Variants in MED13L observed in about 807,000 individuals in gnomAD.
MED13L encodes mediator of RNA polymerase II transcription subunit 13-like.
A neutral mutation model predicts 220.9 loss-of-function variants in MED13L; 7 were observed. That is an observed-to-expected ratio of 0.03 (90% CI 0.02 to 0.06). The LOEUF (loss-of-function observed/expected upper bound fraction) is 0.06. Ranked by LOEUF, MED13L falls within the 10% of genes least tolerant of loss-of-function variation. The probability of loss-of-function intolerance (pLI) is 1.00; values close to 1 mark genes in which losing one functional copy is unlikely to be tolerated. For synonymous variants in MED13L, 1,011 were observed against 1,015.2 expected, an observed-to-expected ratio of 1.00 and a Z score of 0.08; for missense variants, 1,965 against 2,760.5, an observed-to-expected ratio of 0.71 and a Z score of 6.46.
Position 116,019,291 on chromosome 12 carries a change from A to G in MED13L, c.942T>C (p.Ser314=), listed in dbSNP as rs762959649. 1.2e-6 allele frequency: 2 copies of G among 1,613,964 alleles called. No homozygotes were observed. Among genetic ancestry groups the G allele is most frequent in the Admixed American group, 3.3e-5 (2 of 59,964 alleles). ...HIAVGQQGLG[S]VKDPSNCGMP... is the part of the protein sequence containing the mutation. ...TCCCACAGTTACTTGGGTCCTTCAC[A>G]CTACCAAGCCCTTGCTGCCCAACTG... The change falls in exon 7 of 31, where the codon AGT becomes AGC. Residue 314 remains serine, a synonymous_variant. Coordinates refer to ENST00000281928, the MANE Select transcript of MED13L (RefSeq NM_015335.5).
In MED13L at chr12:116,015,204, G is replaced by A. The variant is rs1195276433; in HGVS notation, c.1080C>T (p.His360=). ...GAATCTTCCCCGATCTCTTTGGACT[G>A]TGCATCGTTATCATCCCTCCATCTT... ...VSQDGGMITM[H]SPKRSGKIPP... Residue 360 remains histidine, a synonymous_variant, in exon 8 of 31, where the codon CAC becomes CAT. Coordinates refer to ENST00000281928, the MANE Select transcript of MED13L (RefSeq NM_015335.5). 3 of 1,613,696 alleles carry A rather than the reference G, an allele frequency of 1.9e-6. No homozygotes were observed. Among genetic ancestry groups the A allele is most frequent in the African/African-American group, 1.3e-5 (1 of 74,858 alleles).
intron 2 of MED13L, among the ~76,000 whole-genome samples, chr12:116,160,260 A>G (rs755254488): frequency 1.6e-4 from 24 of 152,228 alleles, no homozygotes; most frequent in Non-Finnish European, 3.4e-4. Flanking sequence ...GTTTAAAAAT[A>G]GTAACTAATT....
intron 4 of MED13L, among the ~76,000 whole-genome samples, chr12:116,079,445 C>T (rs1593019075): frequency 1.3e-5 from 2 of 152,032 alleles, no homozygotes; most frequent in African/African-American, 2.4e-5. Flanking sequence ...AGGCTGGTCT[C>T]GAACTCCTAG....
At chr12:116,104,503 C>A (rs1169133204) in intron 3 of MED13L, among the ~76,000 whole-genome samples, 1 of 152,128 alleles carries the variant, frequency 6.6e-6, no homozygotes, top group African/African-American at 2.4e-5. Context: ...AACAGAGCAG[C>A]TCTGGGCCAA....
chr12:116,232,937 A>C (rs1246396553), intron 2 of MED13L, among the ~76,000 whole-genome samples: 4 of 152,070 alleles, frequency 2.6e-5, no homozygotes, highest in Non-Finnish European at 5.9e-5. Context: ...AAATACAAAA[A>C]TTGGCCAGGT....
chr12:116,190,510 T>G (rs563588695), intron 2 of MED13L, among the ~76,000 whole-genome samples: 6 of 152,344 alleles, frequency 3.9e-5, no homozygotes, highest in African/African-American at 1.2e-4. Context: ...CTCCTTATTA[T>G]GCAACATATG....
chr12:116,094,044 T>C (rs1408049194), intron 4 of MED13L, among the ~76,000 whole-genome samples: 1 of 152,156 alleles, frequency 6.6e-6, no homozygotes, highest in Non-Finnish European at 1.5e-5. Context: ...AGTGGAAGAA[T>C]AAGATGTGAA....
chr12:116,000,067 T>C (rs913387601), intron 14 of MED13L, among the ~76,000 whole-genome samples: 5 of 152,198 alleles, frequency 3.3e-5, no homozygotes, highest in Non-Finnish European at 7.3e-5. Context: ...GCTGCAAACA[T>C]CTAAACATTC....
intron 2 of MED13L, among the ~76,000 whole-genome samples, chr12:116,135,839 A>G (rs1876498731): frequency 6.6e-6 from 1 of 151,800 alleles, no homozygotes; most frequent in African/African-American, 2.4e-5. Context: ...TTATCCAGAA[A>G]CTATGTTCAG....
intron 29 of MED13L, among the ~76,000 whole-genome samples, chr12:115,964,921 A>G (rs1876034220): frequency 6.6e-6 from 1 of 152,170 alleles, no homozygotes; most frequent in South Asian, 2.1e-4. Flanking sequence ...AAGCTTTTTC[A>G]GCAGACAGAG....
intron 2 of MED13L, among the ~76,000 whole-genome samples, chr12:116,222,693 A>G (rs1283720686): frequency 6.6e-6 from 1 of 152,202 alleles, no homozygotes; most frequent in Non-Finnish European, 1.5e-5. Flanking sequence ...GTTTGCAAGC[A>G]TCGTTGGAGA....
intron 1 of MED13L, among the ~76,000 whole-genome samples, chr12:116,241,928 T>C (rs188704917): frequency 6.8e-4 from 104 of 152,044 alleles, no homozygotes; most frequent in Non-Finnish European, 1.1e-3. Flanking sequence ...GATACTGAAA[T>C]AGTTTGTCCA....
At chr12:116,096,977 G>C (rs1872685405) in intron 3 of MED13L, among the ~76,000 whole-genome samples, 1 of 152,128 alleles carries the variant, frequency 6.6e-6, no homozygotes, top group Admixed American at 6.5e-5. Flanking sequence ...GTAAACAAAA[G>C]TAAGCAAAAT....
intron 1 of MED13L, among the ~76,000 whole-genome samples, chr12:116,266,749 G>A (rs1401313335): frequency 1.3e-5 from 2 of 152,096 alleles, no homozygotes; most frequent in African/African-American, 4.8e-5. Flanking sequence ...TAGTATTTTA[G>A]AACACAGGAG....
intron 4 of MED13L, among the ~76,000 whole-genome samples, chr12:116,076,068 C>T (rs990726103): frequency 6.6e-6 from 1 of 151,944 alleles, no homozygotes; most frequent in East Asian, 1.9e-4. Flanking sequence ...CGCCCGCTAC[C>T]ACGCCCGGCT....
chr12:116,216,202 C>G (rs1019671085), intron 2 of MED13L, among the ~76,000 whole-genome samples: 6 of 152,196 alleles, frequency 3.9e-5, no homozygotes, highest in Middle Eastern at 3.4e-3. Context: ...TATTTAGAGA[C>G]GGGGTCTCAC....
chr12:116,006,124 G>T, intron 12 of MED13L, 131 bp from the exon 13 acceptor site: 1 of 1,393,068 alleles, frequency 7.2e-7, no homozygotes, highest in Non-Finnish European at 1.0e-6. Context: ...TAAATTTAGA[G>T]ACAATTATTT....
chr12:116,130,131 A>G (rs1312868065), intron 2 of MED13L, among the ~76,000 whole-genome samples: 1 of 152,182 alleles, frequency 6.6e-6, no homozygotes, highest in African/African-American at 2.4e-5. Flanking sequence ...AAAACTGCCT[A>G]AACATTTTTG....
chr12:116,084,922 T>G (rs1206358551), intron 4 of MED13L, among the ~76,000 whole-genome samples: 1 of 152,160 alleles, frequency 6.6e-6, no homozygotes, highest in Non-Finnish European at 1.5e-5. Context: ...ATATATGTAG[T>G]CATTTTTTTA....
Sources: allele counts gnomAD v4.1 joint callset (sites outside exome capture counted in the v4.1 genomes callset), GRCh38; gene constraint gnomAD v4.1.1; transcripts MANE v1.5; gene names NCBI Gene and HGNC (gene_info 2026-07-23, HGNC 2026-07-21).